Variants in CFAP100 observed in about 807,000 individuals in gnomAD.
CFAP100 encodes cilia and flagella associated protein 100, also known as cilia- and flagella-associated protein 100.
In CFAP100, 70 loss-of-function variants were observed where a neutral mutation model predicts 81.5. The ratio of observed to expected loss-of-function variants is 0.86; its 90% CI spans 0.71 to 1.05. The LOEUF is 1.05. Ranked by LOEUF, CFAP100 falls within the 50% of genes least tolerant of loss-of-function variation. The pLI, the probability that CFAP100 is intolerant of heterozygous loss-of-function variation, is 0.00. For synonymous variants in CFAP100, 341 were observed against 314.8 expected (o/e 1.08, Z -0.88); for missense variants, 811 against 776.5 (o/e 1.04, Z -0.53).
intron 2 of CFAP100, among the ~76,000 whole-genome samples, chr3:126,401,400 TA>T (rs1560061156): frequency 0.019 from 758 of 40,700 alleles, 2 homozygotes; most frequent in African/African-American, 0.052. Context: ...TCGTATTTTA[TA>T]TATATATATA....
intron 7 of CFAP100, 47 bp from the exon 8 acceptor site, chr3:126,419,029 A>G (rs1306975441): frequency 1.4e-5 from 16 of 1,174,716 alleles, no homozygotes; most frequent in African/African-American, 3.1e-5. Context: ...ATAGGCTGCC[A>G]CTGGCCCCTT....
intron 3 of CFAP100, among the ~76,000 whole-genome samples, chr3:126,412,746 G>A (rs141188229): frequency 3.9e-5 from 6 of 152,244 alleles, no homozygotes; most frequent in South Asian, 4.1e-4. Flanking sequence ...CCAAGTCACC[G>A]GACTGCAGGT....
chr3:126,407,572 AT>A (rs10714789), intron 3 of CFAP100, among the ~76,000 whole-genome samples: 13,719 of 152,198 alleles, frequency 0.09, 717 homozygotes, highest in African/African-American at 0.15. Flanking sequence ...TTCAACCACA[AT>A]TAGGGCTTTC....
At chr3:126,412,042 C>T (rs1388821196) in intron 3 of CFAP100, among the ~76,000 whole-genome samples, 21 of 152,196 alleles carry the variant, frequency 1.4e-4, no homozygotes, top group Admixed American at 1.4e-3. Flanking sequence ...AGGCATTTAA[C>T]ACTATGAACT....
intron 11 of CFAP100, among the ~76,000 whole-genome samples, chr3:126,422,776 TGGGGG>T (rs2083353205): frequency 6.6e-6 from 1 of 151,684 alleles, no homozygotes. Flanking sequence ...TGACCCTAGA[TGGGGG>T]AGGCAGGGCA....
At chr3:126,434,552 A>C in intron 15 of CFAP100, 171 bp downstream of exon 15, 21 of 614,292 alleles carry the variant, frequency 3.4e-5, no homozygotes, top group East Asian at 9.6e-5. Flanking sequence ...ATCACAGTCA[A>C]GTGGGGGGTG....
chr3:126,434,393 G>A lies in CFAP100; in HGVS notation c.1628+12G>A. ...GAGCGGCGCATCAGGTGAGCTCTAG[G>A]CTCTCCCTGCCAGCTGCTGTGTCCT... On this transcript the variant is annotated intron_variant, in intron 15 of 16. Transcript: ENST00000352312. 1.9e-6 allele frequency: 3 copies of A among 1,607,024 alleles called. No individual in the cohort carries two copies. The highest frequency in any genetic ancestry group is 2.6e-6 in the Non-Finnish European group (3 of 1,175,862).
Position 126,420,195 on chromosome 3 carries a change from C to CA in CFAP100, c.1049dup (p.Pro351AlafsTer106). ...CCTGAGCAGCCCCCAGCAAGGCAGCCAGCCCAGCGAGTCCAGCGGTGGCGA... is the reference window on the plus strand; with the variant it reads ...CCTGAGCAGCCCCCAGCAAGGCAGCCAAGCCCAGCGAGTCCAGCGGTGGCGA... On this transcript the variant is annotated frameshift_variant, in exon 11 of 17. Transcript: ENST00000352312. LOFTEE classifies it high-confidence loss of function. The CA allele has an allele frequency of 6.2e-7, 1 of 1,612,738 alleles. No homozygotes were observed.
At position 126,430,832 on chromosome 3, in the gene CFAP100, T is replaced by C. The variant is rs531462264; in HGVS notation, c.1287-2237T>C. Among the ~76,000 whole-genome samples, 20 of 152,254 alleles carry C rather than the reference T, an allele frequency of 1.3e-4. No homozygotes were observed. In the Middle Eastern group the frequency reaches 0.014, roughly 104 times the overall value. On this transcript the variant is annotated intron_variant, in intron 13 of 16. Coordinates refer to ENST00000352312, the MANE Select transcript of CFAP100 (RefSeq NM_182628.3). The stretch of plus-strand genomic sequence containing the variant: ...GTTTTCCTGATTTTGTTTAGTTGCC[T>C]ATCTGTGTTGTCTTACAGTTCACTG...
Position 126,419,776 on chromosome 3 carries a change from G to C in CFAP100, c.871G>C (p.Ala291Pro), listed in dbSNP as rs1463247300. 2 of 1,614,008 alleles carry C rather than the reference G, an allele frequency of 1.2e-6. No homozygotes were observed. Among genetic ancestry groups the C allele is most frequent in the East Asian group, 2.2e-5 (1 of 44,886 alleles). Reference sequence around the variant, plus strand: ...CAAAAAGGCCAAGGAGGTCTCCGAGGCTTCCAAAGAGAGCAGTGTTAACTC... The same window carrying C: ...CAAAAAGGCCAAGGAGGTCTCCGAGCCTTCCAAAGAGAGCAGTGTTAACTC... ...FLKKAKEVSE[A>P]SKESSVNSTP... Residue 291 changes from alanine to proline, a missense_variant, in exon 9 of 17, where the codon GCT becomes CCT. Physicochemically the swap from Ala to Pro is conservative, Grantham distance 27. Transcript: ENST00000352312.
rs1338749213 is a variant in CFAP100, at chr3:126,423,514, G to A, written c.1156G>A (p.Glu386Lys). ...DGEEPQLYFT[E>K]PQQLLDVFRE... is the part of the protein sequence containing the mutation. ...GCAGGAACCACAGCTGTACTTCACG[G>A]AGCCCCAGCAGCTCCTGGATGTCTT... The change falls in exon 13 of 17, where the codon GAG becomes AAG. Residue 386 changes from glutamate to lysine, a missense_variant. Physicochemically the swap from Glu to Lys is moderately conservative, Grantham distance 56. Transcript: ENST00000352312. The A allele has an allele frequency of 1.2e-6, 2 of 1,613,944 alleles. No individual in the cohort carries two copies. Among genetic ancestry groups the A allele is most frequent in the Admixed American group, 1.7e-5 (1 of 59,998 alleles).
At chr3:126,416,809 G>A (rs960299847) in intron 5 of CFAP100, 5 of 285,658 alleles carry the variant, frequency 1.8e-5, no homozygotes, top group African/African-American at 8.7e-5. Context: ...AATACAGCAA[G>A]ATATTTTGAG....
chr3:126,417,068 A>C (rs1243324409), intron 5 of CFAP100, among the ~76,000 whole-genome samples: 2 of 152,198 alleles, frequency 1.3e-5, no homozygotes, highest in African/African-American at 4.8e-5. Context: ...GGCAGTGTAC[A>C]GTGGGCGCAG....
At chr3:126,407,287 GGC>G in intron 3 of CFAP100, 35 bp downstream of exon 3, 1 of 1,492,826 alleles carries the variant, frequency 6.7e-7, no homozygotes, top group South Asian at 1.1e-5. Flanking sequence ...AGTCCAAGTT[GGC>G]AGGAGGCAAC....
chr3:126,416,219 G>A, intron 4 of CFAP100, 97 bp from the exon 5 acceptor site: 7 of 726,140 alleles, frequency 9.6e-6, no homozygotes, highest in South Asian at 2.3e-5. Context: ...GCGTCCTCGC[G>A]CGCAAACCCG....
At position 126,414,153 on chromosome 3, in the gene CFAP100, G is replaced by C. The variant is rs764683650; in HGVS notation, c.199G>C (p.Asp67His). The C allele has an allele frequency of 6.8e-6, 11 of 1,614,016 alleles. No homozygotes were observed. Among genetic ancestry groups the C allele is most frequent in the Non-Finnish European group, 8.5e-6 (10 of 1,179,882 alleles). The part of the protein sequence containing the change: ...SGDVDFFLLR[D>H]QERNKALSER... ...GGATGTGGATTTCTTCTTGCTCAGA[G>C]ATCAGGAGCGGAATAAGGCTCTCTC... The change falls in exon 4 of 17, where the codon GAT (aspartate) becomes CAT (histidine). Residue 67 changes from aspartate to histidine, a missense_variant. By Grantham distance (81) the Asp-to-His change is moderately conservative. Transcript: ENST00000352312.
chr3:126,399,670 G>A (rs1171272484), intron 2 of CFAP100, among the ~76,000 whole-genome samples: 1 of 152,148 alleles, frequency 6.6e-6, no homozygotes, highest in East Asian at 1.9e-4. Context: ...GGAAGCTCTG[G>A]GAATCCCTCC....
chr3:126,415,287 A>G (rs1482406254), intron 4 of CFAP100, among the ~76,000 whole-genome samples: 1 of 148,698 alleles, frequency 6.7e-6, no homozygotes, highest in African/African-American at 2.5e-5. Flanking sequence ...TCACCAAACC[A>G]TACCCTCCCC....
intron 13 of CFAP100, among the ~76,000 whole-genome samples, chr3:126,426,809 G>C (rs1932967516): frequency 6.6e-6 from 1 of 152,142 alleles, no homozygotes; most frequent in Admixed American, 6.5e-5. Flanking sequence ...GTTATAGCAA[G>C]AAGCAAGGTT....
Sources: gnomAD v4.1 joint callset for allele counts (sites outside exome capture counted in the v4.1 genomes callset) on GRCh38, gnomAD v4.1.1 for gene constraint, MANE v1.5 for transcripts, NCBI Gene and HGNC (gene_info 2026-07-23, HGNC 2026-07-21) for gene names.